Variants in SMCHD1 observed in about 807,000 individuals in gnomAD.
The protein encoded by SMCHD1 is structural maintenance of chromosomes flexible hinge domain-containing protein 1.
SMCHD1 carries 78 observed loss-of-function variants against 254.7 expected under a neutral mutation model. The ratio of observed to expected loss-of-function variants is 0.31; its 90% CI spans 0.26 to 0.37. The LOEUF (loss-of-function observed/expected upper bound fraction) is 0.37. SMCHD1 is among the 10% of genes least tolerant of loss of function. The probability of loss-of-function intolerance (pLI) is 1.00; values close to 1 mark genes in which losing one functional copy is unlikely to be tolerated. For synonymous variants in SMCHD1, 766 were observed against 794.9 expected (o/e 0.96, Z 0.61); for missense variants, 1,840 against 2,408.1 (o/e 0.76, Z 4.94).
intron 5 of SMCHD1, among the ~76,000 whole-genome samples, chr18:2,676,302 A>G (rs1307407864): frequency 6.6e-6 from 1 of 152,214 alleles, no homozygotes; most frequent in Non-Finnish European, 1.5e-5. Context: ...AGTAATGTTG[A>G]AGGAATGGAT....
rs2074099372 is a variant in SMCHD1, at chr18:2,688,387, A to G, written c.639-7A>G. 1 of 1,589,400 alleles carries G rather than the reference A, an allele frequency of 6.3e-7. No individual in the cohort carries two copies. The highest frequency in any genetic ancestry group is 1.1e-5 in the South Asian group (1 of 90,514). ...TTTAAAATCACTGCATTAATGTTTT[A>G]TTTTAGTGATCATTCAGGATATGTT... is the stretch of plus-strand genomic sequence containing the variant. On this transcript the variant is annotated splice_region_variant and splice_polypyrimidine_tract_variant and intron_variant, in intron 5 of 47. Transcript: ENST00000320876.
At chr18:2,793,829 T>A (rs2076213712) in intron 45 of SMCHD1, among the ~76,000 whole-genome samples, 1 of 152,164 alleles carries the variant, frequency 6.6e-6, no homozygotes, top group South Asian at 2.1e-4. Context: ...GATGTGTATA[T>A]GTAATTTGGT....
chr18:2,762,083 A>C (rs367784599), intron 35 of SMCHD1, 22 bp from the exon 36 acceptor site: 1 of 1,607,752 alleles, frequency 6.2e-7, no homozygotes, highest in Non-Finnish European at 8.5e-7. Flanking sequence ...TGTTAATCAG[A>C]ATGTCTCTTT....
In SMCHD1 at chr18:2,708,900, ATATAT is replaced by A. The variant is rs201772586; in HGVS notation, c.2260+981_2260+985del. Among the ~76,000 whole-genome samples the A allele has an allele frequency of 1.1e-3, 85 of 73,960 alleles. 5 individuals carry two copies. The highest frequency in any genetic ancestry group is 1.4e-3 in the Non-Finnish European group (60 of 41,670). 48.5% of individuals were successfully genotyped at this position (73,960 alleles called of 152,430 possible). ...TATATATATATATATATATATATAT[ATATAT>A]ATAACATATTAACATGAAATTTATG... On this transcript the variant is annotated intron_variant, in intron 17 of 47. Coordinates refer to ENST00000320876, the MANE Select transcript of SMCHD1 (RefSeq NM_015295.3).
rs1414098678 is a variant in SMCHD1 at position 2,775,074 on chromosome 18, T to A, written c.5176-660T>A. Among the ~76,000 whole-genome samples, 474 of 75,850 alleles carry A rather than the reference T, an allele frequency of 6.2e-3. 1 individual carries two copies. Among genetic ancestry groups the A allele is most frequent in the African/African-American group, 0.034 (459 of 13,538 alleles). 49.8% of individuals were successfully genotyped at this position (75,850 alleles called of 152,430 possible). On this transcript the variant is annotated intron_variant, in intron 41 of 47. Coordinates refer to ENST00000320876, the MANE Select transcript of SMCHD1 (RefSeq NM_015295.3). The stretch of plus-strand genomic sequence containing the variant: ...AACAGAAGCAAAAGGAACAATTTTT[T>A]TTTTTTTTTTTTTTTTTTTTTTTTT...
chr18:2,693,263 T>C (rs192386156), intron 7 of SMCHD1, among the ~76,000 whole-genome samples: 2 of 152,324 alleles, frequency 1.3e-5, no homozygotes, highest in Admixed American at 6.5e-5. Context: ...ACAGTAGATA[T>C]AGTCTCCTAT....
chr18:2,661,600 G>A (rs1358460784), intron 1 of SMCHD1, among the ~76,000 whole-genome samples: 1 of 151,656 alleles, frequency 6.6e-6, no homozygotes, highest in African/African-American at 2.4e-5. Flanking sequence ...AAACATCTGT[G>A]GGTTTTTAAT....
At chr18:2,665,335 C>G (rs138248842) in intron 1 of SMCHD1, among the ~76,000 whole-genome samples, 2,793 of 139,964 alleles carry the variant, frequency 0.02, 43 homozygotes, top group Middle Eastern at 0.1. Context: ...TTTTTTTTTT[C>G]TTTGAGACGG....
chr18:2,789,744 A>G (rs188343395), intron 45 of SMCHD1, among the ~76,000 whole-genome samples: 1 of 152,378 alleles, frequency 6.6e-6, no homozygotes, highest in East Asian at 1.9e-4. Context: ...TTATTGGGAC[A>G]TAACTTCATC....
At chr18:2,689,158 G>A (rs1177389527) in intron 7 of SMCHD1, among the ~76,000 whole-genome samples, 2 of 151,482 alleles carry the variant, frequency 1.3e-5, no homozygotes, top group Non-Finnish European at 2.9e-5. Context: ...TTGGTGGCAA[G>A]TAAATGGTAT....
At position 2,664,010 on chromosome 18, in the gene SMCHD1, C is replaced by T. The variant is rs183941462; in HGVS notation, c.187-2147C>T. On this transcript the variant is annotated intron_variant, in intron 1 of 47. Coordinates refer to ENST00000320876, the MANE Select transcript of SMCHD1 (RefSeq NM_015295.3). ...GATTACAGGTTTGAGCCACCGCGCCCGGCCTATTCCAGGATATTTTAAAGT... is the reference window on the plus strand; with the variant it reads ...GATTACAGGTTTGAGCCACCGCGCCTGGCCTATTCCAGGATATTTTAAAGT... Among the ~76,000 whole-genome samples, 322 of 152,184 alleles carry T rather than the reference C, an allele frequency of 2.1e-3. 1 individual carries two copies. The highest frequency in any genetic ancestry group is 7.2e-3 in the African/African-American group (297 of 41,528).
intron 5 of SMCHD1, among the ~76,000 whole-genome samples, chr18:2,678,720 A>G (rs924776727): frequency 6.6e-6 from 1 of 152,148 alleles, no homozygotes; most frequent in African/African-American, 2.4e-5. Flanking sequence ...TTTTAGCCCA[A>G]AGGACTCTCT....
rs2143729958 is a variant in SMCHD1 at position 2,656,137 on chromosome 18, G to C, written c.62G>C (p.Gly21Ala). 3 of 1,496,954 alleles carry C rather than the reference G, an allele frequency of 2.0e-6. No homozygotes were observed. The East Asian group carries it at 8.2e-5, about 41-fold the overall frequency. The allele number at this position is 1,496,954 out of a possible 1,614,324, so 92.7% of individuals were successfully genotyped here. A position where few individuals can be genotyped will look rare whatever the true frequency, so the allele number is the denominator to read the frequency against. Residue 21 changes from glycine (G) to alanine (A), a missense_variant, in exon 1 of 48, where the codon GGA (glycine) becomes GCA (alanine). Physicochemically the swap from Gly to Ala is moderately conservative, Grantham distance 60. Coordinates refer to ENST00000320876, the MANE Select transcript of SMCHD1 (RefSeq NM_015295.3). ...GASVGTEEDG[G>A]GVGHRTVYLF... ...TCTGTGGGGACTGAGGAGGATGGCG[G>C]AGGCGTCGGCCACAGGACGGTGTAC...
At chr18:2,683,749 C>A (rs1377948809) in intron 5 of SMCHD1, among the ~76,000 whole-genome samples, 1 of 152,112 alleles carries the variant, frequency 6.6e-6, no homozygotes, top group African/African-American at 2.4e-5. Context: ...TCTTGGTTGA[C>A]CAACCCTTTT....
At chr18:2,768,633 G>A (rs896847219) in intron 37 of SMCHD1, among the ~76,000 whole-genome samples, 12 of 118,536 alleles carry the variant, frequency 1.0e-4, no homozygotes, top group African/African-American at 3.4e-4. Flanking sequence ...TATACTACTA[G>A]TATATATAGT....
intron 45 of SMCHD1, among the ~76,000 whole-genome samples, chr18:2,792,750 G>A (rs1256069680): frequency 1.3e-5 from 2 of 152,090 alleles, no homozygotes; most frequent in Admixed American, 1.3e-4. Flanking sequence ...AATTATGATG[G>A]TTTTTTAAAT....
intron 20 of SMCHD1, among the ~76,000 whole-genome samples, chr18:2,724,566 A>T (rs2074989127): frequency 6.6e-6 from 1 of 152,050 alleles, no homozygotes; most frequent in East Asian, 1.9e-4. Context: ...TTAGGTATTT[A>T]TTTCCTTTCC....
rs751835028 is a variant in SMCHD1, at chr18:2,692,123, A to G, written c.874-2404A>G. Among the ~76,000 whole-genome samples the G allele has an allele frequency of 4.7e-4, 71 of 152,254 alleles. 1 individual carries two copies. The highest frequency in any genetic ancestry group is 6.9e-4 in the Non-Finnish European group (47 of 68,040). On this transcript the variant is annotated intron_variant, in intron 7 of 47. Coordinates refer to ENST00000320876, the MANE Select transcript of SMCHD1 (RefSeq NM_015295.3). ...TTTTGCCTTCCAACCTCTGCAGCCC[A>G]AGAGAGTACAGTAAAAGGTGGTAGG...
At chr18:2,661,504 TAA>T (rs1307764302) in intron 1 of SMCHD1, among the ~76,000 whole-genome samples, 1 of 150,912 alleles carries the variant, frequency 6.6e-6, no homozygotes, top group African/African-American at 2.5e-5. Flanking sequence ...TAATATGGAT[TAA>T]AAAACATCTG....
Sources: allele counts gnomAD v4.1 joint callset (sites outside exome capture counted in the v4.1 genomes callset), GRCh38; gene constraint gnomAD v4.1.1; transcripts MANE v1.5; gene names NCBI Gene and HGNC (gene_info 2026-07-23, HGNC 2026-07-21).